The following GH2 variants were observed in gnomAD, a reference collection of about 807,000 sequenced individuals.
GH2 encodes the protein growth hormone 2.
Under a neutral mutation model 24.1 loss-of-function variants are expected in GH2, and 17 were observed. That is an observed-to-expected ratio of 0.71 (90% CI 0.48 to 1.06). The LOEUF is 1.06. Among genes scored for constraint, GH2 ranks in the 50% least tolerant of loss-of-function variants. The pLI, the probability that GH2 is intolerant of heterozygous loss-of-function variation, is 0.00. For synonymous variants in GH2, 126 were observed against 118.7 expected, an observed-to-expected ratio of 1.06 and a Z score of -0.40; for missense variants, 305 against 273.1, an observed-to-expected ratio of 1.12 and a Z score of -0.82.
Position 63,880,242 on chromosome 17 carries a change from G to C in GH2, c.*79C>G, listed in dbSNP as rs1203870977. 2 of 1,609,438 alleles carry C rather than the reference G, an allele frequency of 1.2e-6. No individual in the cohort carries two copies. Among genetic ancestry groups the C allele is most frequent in the African/African-American group, 1.3e-5 (1 of 74,776 alleles). On this transcript the variant is annotated 3_prime_UTR_variant, in exon 5 of 5. Transcript: ENST00000423893. ...ATGCAACTTAATTTTATTAGGACAA[G>C]GCTGGTGGGCACTGGAGTAGCACCT...
In GH2 at chr17:63,881,894, C is replaced by T; in HGVS notation, c.-93G>A. On this transcript the variant is annotated 5_prime_UTR_variant, in exon 1 of 5. Transcript: ENST00000423893. Reference sequence around the variant, plus strand: ...TGGTCTCTTGTGGGCCCTTTTTATACCTGGCCCCTTCTCTCTCGCTGCTTC... The same window carrying T: ...TGGTCTCTTGTGGGCCCTTTTTATATCTGGCCCCTTCTCTCTCGCTGCTTC... 3.7e-6 allele frequency: 6 copies of T among 1,612,874 alleles called. No homozygotes were observed. Among genetic ancestry groups the T allele is most frequent in the Non-Finnish European group, 5.1e-6 (6 of 1,179,346 alleles).
chr17:63,880,404 A>G lies in GH2; in HGVS notation c.571T>C (p.Cys191Arg). The change falls in exon 5 of 5, where the codon TGC becomes CGC. Residue 191 changes from cysteine to arginine, a missense_variant. Coordinates refer to ENST00000423893, the MANE Select transcript of GH2 (RefSeq NM_002059.5). The stretch of plus-strand genomic sequence containing the variant: ...ACCTTGTCCATGTCCTTCCTGAAGC[A>G]GTAGAGCAGCCCGTAGTTCTTGAGC... The part of the protein sequence containing the change: ...ALLKNYGLLY[C>R]FRKDMDKVET... 6.2e-7 allele frequency: 1 copy of G among 1,613,808 alleles called. No individual in the cohort carries two copies. Among genetic ancestry groups the G allele is most frequent in the Non-Finnish European group, 8.5e-7 (1 of 1,179,782 alleles).
At chr17:63,881,595 T>A (rs1157817592) in intron 1 of GH2, 76 bp from the exon 2 acceptor site, 1 of 657,660 alleles carries the variant, frequency 1.5e-6, no homozygotes, top group Non-Finnish European at 2.0e-6. Context: ...AGGAGCTGGG[T>A]TTTTTTTTTT....
In GH2 at chr17:63,881,395, G is replaced by T; in HGVS notation, c.135C>A (p.Arg45=). The change falls in exon 2 of 5, where the codon CGC becomes CGA. Residue 45 remains arginine, a synonymous_variant. Transcript: ENST00000423893. ...LFDNAMLRAR[R]LYQLAYDTYQ... is the part of the protein sequence containing the mutation. ...AGGTGTCATATGCCAGCTGGTACAG[G>T]CGACGGGCGCGGAGCATAGCGTTGT... 6.2e-7 allele frequency: 1 copy of T among 1,614,038 alleles called. No individual in the cohort carries two copies.
chr17:63,881,606 C>T lies in GH2; in HGVS notation c.11-87G>A, dbSNP rs561750563. On this transcript the variant is annotated intron_variant, in intron 1 of 4. Coordinates refer to ENST00000423893, the MANE Select transcript of GH2 (RefSeq NM_002059.5). Reference sequence around the variant, plus strand: ...TTCCAGGAGCTGGGTTTTTTTTTTTCTCTCTCTCTCTCTGCCTCCCTCCAG... The same window carrying T: ...TTCCAGGAGCTGGGTTTTTTTTTTTTTCTCTCTCTCTCTGCCTCCCTCCAG... 9,139 of 975,202 alleles carry T rather than the reference C, an allele frequency of 9.4e-3. 45 individuals are homozygous for T. Among genetic ancestry groups the T allele is most frequent in the Middle Eastern group, 0.013 (35 of 2,728 alleles). 60.4% of individuals were successfully genotyped at this position (975,202 alleles called of 1,614,324 possible).
Position 63,881,131 on chromosome 17 carries a change from C to T in GH2, c.189G>A (p.Leu63=), listed in dbSNP as rs1373162915. 39 of 1,613,962 alleles carry T rather than the reference C, an allele frequency of 2.4e-5. No homozygotes were observed. Among genetic ancestry groups the T allele is most frequent in the Non-Finnish European group, 2.7e-5 (32 of 1,179,950 alleles). Residue 63 remains leucine (L), a synonymous_variant, in exon 3 of 5, where the codon CTG becomes CTA. Transcript: ENST00000423893. ...TYQEFEEAYI[L]KEQKYSFLQN... Reference sequence around the variant, plus strand: ...GCAGGAATGAATACTTCTGCTCCTTCAGGATATAGGCTTCTTCCTAGGAGA... The same window carrying T: ...GCAGGAATGAATACTTCTGCTCCTTTAGGATATAGGCTTCTTCCTAGGAGA...
In GH2 at chr17:63,881,878, G is replaced by T; in HGVS notation, c.-77C>A. 1 of 1,613,606 alleles carries T rather than the reference G, an allele frequency of 6.2e-7. No homozygotes were observed. Among genetic ancestry groups the T allele is most frequent in the Non-Finnish European group, 8.5e-7 (1 of 1,179,676 alleles). ...CTTGGGATCCTTGAGCTGGTCTCTT[G>T]TGGGCCCTTTTTATACCTGGCCCCT... On this transcript the variant is annotated 5_prime_UTR_variant, in exon 1 of 5. Transcript: ENST00000423893.
At position 63,880,275 on chromosome 17, in the gene GH2, C is replaced by G. The variant is rs1905410905; in HGVS notation, c.*46G>C. The stretch of plus-strand genomic sequence containing the variant: ...GGCACTGGAGTAGCACCTTCCACGA[C>G]CAGGAGAGGCACTGGGGAGGGGTCA... On this transcript the variant is annotated 3_prime_UTR_variant, in exon 5 of 5. Transcript: ENST00000423893. The G allele has an allele frequency of 1.2e-6, 2 of 1,613,680 alleles. No homozygotes were observed. The highest frequency in any genetic ancestry group is 1.7e-6 in the Non-Finnish European group (2 of 1,179,744).
Position 63,881,893 on chromosome 17 carries a change from A to C in GH2, c.-92T>G. On this transcript the variant is annotated 5_prime_UTR_variant, in exon 1 of 5. Coordinates refer to ENST00000423893, the MANE Select transcript of GH2 (RefSeq NM_002059.5). ...CTGGTCTCTTGTGGGCCCTTTTTAT[A>C]CCTGGCCCCTTCTCTCTCGCTGCTT... 1 of 1,612,760 alleles carries C rather than the reference A, an allele frequency of 6.2e-7. No homozygotes were observed. The highest frequency in any genetic ancestry group is 2.2e-5 in the East Asian group (1 of 44,864).
At position 63,881,266 on chromosome 17, in the gene GH2, C is replaced by T. The variant is rs113576504; in HGVS notation, c.171+93G>A. The T allele has an allele frequency of 3.4e-4, 550 of 1,611,018 alleles. 9 individuals carry two copies. The African/African-American group carries it at 4.1e-3, about 12-fold the overall frequency. ...TGCATTTTCACTTCAGAAAACAACC[C>T]TGAGCTCCTTAGTCTCCTCCCATTA... On this transcript the variant is annotated intron_variant, in intron 2 of 4. Transcript: ENST00000423893.
At position 63,880,226 on chromosome 17, in the gene GH2, A is replaced by T; in HGVS notation, c.*95T>A. 6.3e-7 allele frequency: 1 copy of T among 1,595,316 alleles called. No homozygotes were observed. ...CTAGTCAAACAAAATGATGCAACTT[A>T]ATTTTATTAGGACAAGGCTGGTGGG... On this transcript the variant is annotated 3_prime_UTR_variant, in exon 5 of 5. Transcript: ENST00000423893.
rs1240776598 is a variant in GH2 at position 63,881,373 on chromosome 17, T to C, written c.157A>G (p.Thr53Ala). 8.1e-6 allele frequency: 13 copies of C among 1,613,954 alleles called. No individual in the cohort carries two copies. Among genetic ancestry groups the C allele is most frequent in the Non-Finnish European group, 1.1e-5 (13 of 1,179,938 alleles). ...CAAGAGCTTACAAACTCCTGATAGG[T>C]GTCATATGCCAGCTGGTACAGGCGA... ...ARRLYQLAYD[T>A]YQEFEEAYIL... Residue 53 changes from threonine (T) to alanine (A), a missense_variant, in exon 2 of 5, where the codon ACC becomes GCC. By Grantham distance (58) the Thr-to-Ala change is moderately conservative (BLOSUM62 0). Transcript: ENST00000423893.
At chr17:63,880,998 A>C (rs773581968) in intron 3 of GH2, 31 bp downstream of exon 3, 4 of 1,614,074 alleles carry the variant, frequency 2.5e-6, no homozygotes, top group Non-Finnish European at 3.4e-6. Flanking sequence ...GGTCTACCCC[A>C]TCCCCACCTG....
At position 63,881,785 on chromosome 17, in the gene GH2, C is replaced by G; in HGVS notation, c.10+7G>C. 1 of 1,613,080 alleles carries G rather than the reference C, an allele frequency of 6.2e-7. No individual in the cohort carries two copies. Among genetic ancestry groups the G allele is most frequent in the Middle Eastern group, 1.8e-4 (1 of 5,454 alleles). ...ATTGTGCCCAAAGGGATTTTAGGGG[C>G]GCTTACCTGCAGCCATTGCCGCTAG... On this transcript the variant is annotated splice_region_variant and intron_variant, in intron 1 of 4. Transcript: ENST00000423893.
intron 4 of GH2, 63 bp downstream of exon 4, chr17:63,880,709 C>A (rs1455280486): frequency 1.2e-6 from 2 of 1,613,990 alleles, no homozygotes; most frequent in East Asian, 4.5e-5. Context: ...AGCAGTGTTT[C>A]TCTCCCCAGT....
At position 63,881,875 on chromosome 17, in the gene GH2, C is replaced by T. The variant is rs1905563888; in HGVS notation, c.-74G>A. 1.9e-6 allele frequency: 3 copies of T among 1,613,584 alleles called. No individual in the cohort carries two copies. Among genetic ancestry groups the T allele is most frequent in the Non-Finnish European group, 2.5e-6 (3 of 1,179,672 alleles). ...GGCCTTGGGATCCTTGAGCTGGTCT[C>T]TTGTGGGCCCTTTTTATACCTGGCC... On this transcript the variant is annotated 5_prime_UTR_variant, in exon 1 of 5. Coordinates refer to ENST00000423893, the MANE Select transcript of GH2 (RefSeq NM_002059.5).
At position 63,880,754 on chromosome 17, in the gene GH2, C is replaced by A. The variant is rs1453101045; in HGVS notation, c.456+18G>T. 1.2e-6 allele frequency: 2 copies of A among 1,614,062 alleles called. No individual in the cohort carries two copies. The highest frequency in any genetic ancestry group is 1.7e-6 in the Non-Finnish European group (2 of 1,179,950). ...CCAGTGGGGCCCCAGGATTGGGGAT[C>A]CCTGGTGCCACCCTCACCCACATCA... On this transcript the variant is annotated intron_variant, in intron 4 of 4. Coordinates refer to ENST00000423893, the MANE Select transcript of GH2 (RefSeq NM_002059.5).
At position 63,881,447 on chromosome 17, in the gene GH2, G is replaced by A; in HGVS notation, c.83C>T (p.Pro28Leu). The A allele has an allele frequency of 6.2e-7, 1 of 1,613,992 alleles. No homozygotes were observed. Among genetic ancestry groups the A allele is most frequent in the Non-Finnish European group, 8.5e-7 (1 of 1,179,946 alleles). ...AAAAAGCCTGGATAAGGGAATGGTT[G>A]GGAAGGCACTGCCCTCTTGAAGCCA... ...LSWLQEGSAF[P>L]TIPLSRLFDN... is the part of the protein sequence containing the mutation. Residue 28 changes from proline (P) to leucine (L), a missense_variant, in exon 2 of 5, where the codon CCA becomes CTA. Coordinates refer to ENST00000423893, the MANE Select transcript of GH2 (RefSeq NM_002059.5).
chr17:63,881,303 G>A, intron 2 of GH2, 56 bp downstream of exon 2: 8 of 1,611,762 alleles, frequency 5.0e-6, no homozygotes, highest in Non-Finnish European at 6.8e-6. Context: ...TTCCCAGCGG[G>A]GGAAAGTCAC....
Sources: gnomAD v4.1 joint callset for allele counts on GRCh38, gnomAD v4.1.1 for gene constraint, MANE v1.5 for transcripts, NCBI Gene and HGNC (gene_info 2026-07-23, HGNC 2026-07-21) for gene names.